The following SYN3 variants were observed in gnomAD, a reference collection of about 807,000 sequenced individuals.
SYN3 encodes synapsin-3.
A neutral mutation model predicts 65.8 loss-of-function variants in SYN3; 35 were observed. That is an observed-to-expected ratio of 0.53 (90% CI 0.41 to 0.70). The LOEUF is 0.70. Among genes scored for constraint, SYN3 ranks in the 30% least tolerant of loss-of-function variants. The pLI is 0.00. For missense variants in SYN3, 680 were observed against 749.0 expected (o/e 0.91, Z 1.08); for synonymous variants, 270 against 292.9 (o/e 0.92, Z 0.80).
At chr22:32,977,271 A>G (rs1013386274) in intron 3 of SYN3, among the ~76,000 whole-genome samples, 1 of 152,188 alleles carries the variant, frequency 6.6e-6, no homozygotes, top group African/African-American at 2.4e-5. Flanking sequence ...TTCTTAGGGC[A>G]ATTCCCTGAT....
At chr22:32,736,697 T>C (rs529826419) in intron 6 of SYN3, among the ~76,000 whole-genome samples, 41 of 152,290 alleles carry the variant, frequency 2.7e-4, no homozygotes, top group African/African-American at 9.4e-4. Context: ...TTAAGAATCA[T>C]GCTGTACTGT....
intron 6 of SYN3, among the ~76,000 whole-genome samples, chr22:32,740,743 T>C (rs1047563881): frequency 1.3e-5 from 2 of 152,178 alleles, no homozygotes; most frequent in African/African-American, 4.8e-5. Flanking sequence ...AAGAAGACCT[T>C]TTCTTGAATT....
intron 9 of SYN3, among the ~76,000 whole-genome samples, chr22:32,535,520 G>A (rs2058149207): frequency 6.6e-6 from 1 of 152,186 alleles, no homozygotes; most frequent in South Asian, 2.1e-4. Context: ...CTCTGATCAG[G>A]GTCCTCGTTT....
intron 6 of SYN3, among the ~76,000 whole-genome samples, chr22:32,616,433 G>T (rs1010340090): frequency 1.4e-4 from 21 of 152,196 alleles, no homozygotes; most frequent in African/African-American, 5.1e-4. Flanking sequence ...TGGTGATGAA[G>T]GTCACAATTG....
intron 7 of SYN3, among the ~76,000 whole-genome samples, chr22:32,548,661 C>T (rs1454834729): frequency 2.0e-5 from 3 of 152,134 alleles, no homozygotes; most frequent in Non-Finnish European, 2.9e-5. Context: ...CGTGAGCCAC[C>T]GTGCCTGGCC....
At chr22:32,880,355 GTGGTAGCTC>G (rs2049095934) in intron 4 of SYN3, among the ~76,000 whole-genome samples, 1 of 152,226 alleles carries the variant, frequency 6.6e-6, no homozygotes, top group African/African-American at 2.4e-5. Flanking sequence ...AGGGGTGACG[GTGGTAGCTC>G]AAGGAAGGGG....
intron 6 of SYN3, among the ~76,000 whole-genome samples, chr22:32,722,192 C>T (rs151331054): frequency 1.3e-5 from 2 of 152,172 alleles, no homozygotes; most frequent in Non-Finnish European, 2.9e-5. Context: ...TTTTCCCAAG[C>T]AGATGCCTTT....
chr22:32,900,807 A>AT (rs1026566897), intron 4 of SYN3, among the ~76,000 whole-genome samples: 15 of 152,212 alleles, frequency 9.9e-5, no homozygotes, highest in African/African-American at 3.6e-4. Flanking sequence ...TTTATTTAGC[A>AT]TTTTTTTCTG....
At chr22:32,948,680 T>A (rs1421136182) in intron 3 of SYN3, among the ~76,000 whole-genome samples, 1 of 151,934 alleles carries the variant, frequency 6.6e-6, no homozygotes, top group Non-Finnish European at 1.5e-5. Flanking sequence ...GAGCTTGCAG[T>A]GAGCCGAGAT....
In SYN3 at chr22:32,931,456, GC is replaced by G. The variant is rs1256259526; in HGVS notation, c.394del (p.Ala132LeufsTer4). The stretch of plus-strand genomic sequence containing the variant: ...CATGCAGCCCCCGGTCACATAGGCA[GC>G]TAGGTTCAACTCTGAGAATTCAGCC... ...EQAEFSELNL[A>X]AYVTGGCMVD... is the part of the protein sequence containing the mutation. On this transcript the variant is annotated frameshift_variant, in exon 4 of 14. Coordinates refer to ENST00000358763, the MANE Select transcript of SYN3 (RefSeq NM_003490.4). LOFTEE classifies it high-confidence loss of function. 6.2e-7 allele frequency: 1 copy of G among 1,613,796 alleles called. No individual in the cohort carries two copies. The highest frequency in any genetic ancestry group is 8.5e-7 in the Non-Finnish European group (1 of 1,179,836).
rs1439270704 is a variant in SYN3 at position 32,867,470 on chromosome 22, G to A, written c.621+1496C>T. On this transcript the variant is annotated intron_variant, in intron 5 of 13. Transcript: ENST00000358763. ...TACATGAACGAATAACTTCTAATCA[G>A]GGAGACAGATAATGCACAAATGAAT... Among the ~76,000 whole-genome samples, 5 of 152,142 alleles carry A rather than the reference G, an allele frequency of 3.3e-5. No homozygotes were observed. The South Asian group carries it at 1.0e-3, about 32-fold the overall frequency.
At chr22:32,965,521 C>T (rs2051802603) in intron 3 of SYN3, among the ~76,000 whole-genome samples, 1 of 151,116 alleles carries the variant, frequency 6.6e-6, no homozygotes, top group Non-Finnish European at 1.5e-5. Flanking sequence ...CGGCTTCTAA[C>T]AGTTTGTAAT....
chr22:32,606,283 G>C (rs1205886424), intron 6 of SYN3, among the ~76,000 whole-genome samples: 1 of 152,170 alleles, frequency 6.6e-6, no homozygotes, highest in Non-Finnish European at 1.5e-5. Context: ...GACAGAAATG[G>C]GGCAGCCCGG....
chr22:32,888,524 A>T (rs2049355481), intron 4 of SYN3, among the ~76,000 whole-genome samples: 1 of 152,146 alleles, frequency 6.6e-6, no homozygotes, highest in South Asian at 2.1e-4. Flanking sequence ...CAGTCTTTTT[A>T]ATTTGACATC....
rs1448243077 is a variant in SYN3, at chr22:32,510,732, A to C, written c.*2960T>G. Among the ~76,000 whole-genome samples, 1 of 152,162 alleles carries C rather than the reference A, an allele frequency of 6.6e-6. No individual in the cohort carries two copies. The highest frequency in any genetic ancestry group is 1.5e-5 in the Non-Finnish European group (1 of 68,034). ...AGGCTGCTCTTATAAGCAGTGCCCC[A>C]GATCCTTCTAATGGGGGAACCTCAC... is the stretch of plus-strand genomic sequence containing the variant. On this transcript the variant is annotated 3_prime_UTR_variant, in exon 14 of 14. Transcript: ENST00000358763.
intron 6 of SYN3, among the ~76,000 whole-genome samples, chr22:32,608,224 C>T (rs962544052): frequency 4.6e-5 from 7 of 152,130 alleles, no homozygotes; most frequent in Non-Finnish European, 7.4e-5. Flanking sequence ...CGTGCCACCA[C>T]GCCCAGCTAA....
At chr22:32,544,273 A>ACATTTCTG (rs928141844) in intron 7 of SYN3, among the ~76,000 whole-genome samples, 2 of 152,180 alleles carry the variant, frequency 1.3e-5, no homozygotes, top group African/African-American at 4.8e-5. Flanking sequence ...CAGCCAAATG[A>ACATTTCTG]CATTTCTGCT....
At chr22:33,012,713 A>C (rs932898879) in intron 1 of SYN3, among the ~76,000 whole-genome samples, 48 of 152,208 alleles carry the variant, frequency 3.2e-4, no homozygotes, top group Middle Eastern at 3.2e-3. Context: ...GACCTGGGGC[A>C]TCTCTTTAGA....
chr22:32,531,762 C>T (rs961068367), intron 10 of SYN3, among the ~76,000 whole-genome samples: 1 of 151,278 alleles, frequency 6.6e-6, no homozygotes, highest in Non-Finnish European at 1.5e-5. Flanking sequence ...GACCCCACTC[C>T]AAACTCAAAA....
Sources: allele counts gnomAD v4.1 joint callset (sites outside exome capture counted in the v4.1 genomes callset), GRCh38; gene constraint gnomAD v4.1.1; transcripts MANE v1.5; gene names NCBI Gene and HGNC (gene_info 2026-07-23, HGNC 2026-07-21).